The following PPP3CB variants were observed in gnomAD, a reference collection of about 807,000 sequenced individuals.
The protein encoded by PPP3CB is protein phosphatase 3 catalytic subunit beta.
In PPP3CB, 8 loss-of-function variants were observed where a neutral mutation model predicts 66.4. That is an observed-to-expected ratio of 0.12 (90% CI 0.07 to 0.22). The LOEUF is 0.22. Ranked by LOEUF, PPP3CB falls within the 10% of genes least tolerant of loss-of-function variation. The pLI, the probability that PPP3CB is intolerant of heterozygous loss-of-function variation, is 1.00. For missense variants in PPP3CB, 319 were observed against 642.5 expected (o/e 0.50, Z 5.44); for synonymous variants, 208 against 221.2 (o/e 0.94, Z 0.53).
At chr10:73,481,573 G>A (rs1299408957) in intron 1 of PPP3CB, among the ~76,000 whole-genome samples, 4 of 149,986 alleles carry the variant, frequency 2.7e-5, no homozygotes, top group African/African-American at 5.0e-5. Flanking sequence ...TTACAGAGAA[G>A]CTTGGAAATG....
At chr10:73,448,729 G>A (rs1332742357) in intron 10 of PPP3CB, 1 of 533,264 alleles carries the variant, frequency 1.9e-6, no homozygotes, top group Admixed American at 1.9e-5. Context: ...AGTGAATGAT[G>A]GAGAAAAGGT....
chr10:73,495,670 G>A (rs2057192094), intron 1 of PPP3CB, 135 bp downstream of exon 1: 4 of 1,329,510 alleles, frequency 3.0e-6, no homozygotes, highest in Non-Finnish European at 3.9e-6. Context: ...GCCCGCCCAG[G>A]GGCCACTCCC....
At chr10:73,467,255 C>T (rs1312307310) in intron 9 of PPP3CB, 1 of 169,524 alleles carries the variant, frequency 5.9e-6, no homozygotes, top group African/African-American at 2.4e-5. Flanking sequence ...AGCAATCTCT[C>T]CACCCCTTCA....
intron 10 of PPP3CB, 62 bp downstream of exon 10, chr10:73,454,350 C>G: frequency 7.6e-7 from 1 of 1,310,924 alleles, no homozygotes; most frequent in Non-Finnish European, 1.1e-6. Flanking sequence ...TGTACTGAGG[C>G]TAGGCAGTAA....
chr10:73,494,275 G>GTT (rs2057131748), intron 1 of PPP3CB, among the ~76,000 whole-genome samples: 1 of 151,700 alleles, frequency 6.6e-6, no homozygotes, highest in African/African-American at 2.4e-5. Flanking sequence ...GCAAATCAGT[G>GTT]TTTTGTTTTT....
Position 73,439,874 on chromosome 10 carries a change from T to C in PPP3CB, c.1394A>G (p.Lys465Arg), listed in dbSNP as rs766002414. 2 of 1,613,518 alleles carry C rather than the reference T, an allele frequency of 1.2e-6. No individual in the cohort carries two copies. The highest frequency in any genetic ancestry group is 2.2e-5 in the South Asian group (2 of 91,044). The change falls in exon 13 of 14, where the codon AAA (lysine) becomes AGA (arginine). Residue 465 changes from lysine to arginine, a missense_variant and splice_region_variant. Physicochemically the swap from Lys to Arg is conservative, Grantham distance 26. Transcript: ENST00000360663. Reference protein sequence around the residue: ...SATVEAIEAEKAIRGFSPPHR... With the variant: ...SATVEAIEAERAIRGFSPPHR... The stretch of plus-strand genomic sequence containing the variant: ...CAGCACAAGGACTCTGATCATACCT[T>C]TTTCAGCCTCAATAGCCTCAACTGT...
At chr10:73,472,507 A>AAG (rs1314411312) in intron 4 of PPP3CB, among the ~76,000 whole-genome samples, 1 of 152,034 alleles carries the variant, frequency 6.6e-6, no homozygotes, top group African/African-American at 2.4e-5. Flanking sequence ...AAAAAAAAAA[A>AAG]AAAGAAAGAA....
chr10:73,471,173 T>G lies in PPP3CB; in HGVS notation c.706A>C (p.Met236Leu). The G allele has an allele frequency of 6.2e-7, 1 of 1,609,468 alleles. No individual in the cohort carries two copies. The highest frequency in any genetic ancestry group is 8.5e-7 in the Non-Finnish European group (1 of 1,176,332). The change falls in exon 6 of 14, where the codon ATG becomes CTG. Residue 236 changes from methionine to leucine, a missense_variant. Physicochemically the swap from Met to Leu is conservative, Grantham distance 15. Coordinates refer to ENST00000360663, the MANE Select transcript of PPP3CB (RefSeq NM_021132.4). ...RFKEPPAFGP[M>L]CDLLWSDPSE... is the part of the protein sequence containing the mutation. The stretch of plus-strand genomic sequence containing the variant: ...GGATCGGACCATAACAAGTCACACA[T>G]TGGTCCAAATGCAGGTGGCTCTTTG...
chr10:73,493,275 C>CAAAAAAAAAAA (rs544990577), intron 1 of PPP3CB, among the ~76,000 whole-genome samples: 31 of 105,920 alleles, frequency 2.9e-4, no homozygotes, highest in African/African-American at 7.7e-4. Flanking sequence ...AACTCCGTCT[C>CAAAAAAAAAAA]AAAAAAAAAA....
chr10:73,459,451 G>A (rs1174775175), intron 9 of PPP3CB, among the ~76,000 whole-genome samples: 2 of 152,242 alleles, frequency 1.3e-5, no homozygotes, highest in Admixed American at 1.3e-4. Flanking sequence ...GCGCCACTGC[G>A]CTCCAGCCTG....
In PPP3CB at chr10:73,470,877, G is replaced by C. The variant is rs3729702; in HGVS notation, c.887+10C>G. On this transcript the variant is annotated intron_variant, in intron 7 of 13. Transcript: ENST00000360663. ...GGTGTTAATTTGGGTCAGGGAAACA[G>C]AATTCTTACCCTGCATCTTGAGCTT... 31,179 of 1,609,908 alleles carry C rather than the reference G, an allele frequency of 0.019. 569 individuals are homozygous for C. Among genetic ancestry groups the C allele is most frequent in the Non-Finnish European group, 0.019 (22,902 of 1,177,258 alleles).
At position 73,495,968 on chromosome 10, in the gene PPP3CB, G is replaced by A. The variant is rs970180438; in HGVS notation, c.-79C>T. 1 of 940,198 alleles carries A rather than the reference G, an allele frequency of 1.1e-6. No homozygotes were observed. The highest frequency in any genetic ancestry group is 1.4e-6 in the Non-Finnish European group (1 of 724,832). The allele number at this position is 940,198 out of a possible 1,614,324, so 58.2% of individuals were successfully genotyped here. On this transcript the variant is annotated 5_prime_UTR_variant, in exon 1 of 14. Transcript: ENST00000360663. ...CGGCGGCTACCAGAGCCAAGCGGCG[G>A]CGCCGCCGGGGAACATGGCGGACCC...
intron 9 of PPP3CB, among the ~76,000 whole-genome samples, chr10:73,465,480 T>C (rs1312081209): frequency 6.6e-6 from 1 of 152,126 alleles, no homozygotes; most frequent in Admixed American, 6.5e-5. Flanking sequence ...GAGGATTACA[T>C]AAGCCCAGGA....
At chr10:73,470,586 G>A (rs2056687185) in intron 8 of PPP3CB, 101 bp downstream of exon 8, 1 of 663,092 alleles carries the variant, frequency 1.5e-6, no homozygotes, top group African/African-American at 1.8e-5. Flanking sequence ...AAGAAATCTG[G>A]ATACTAATAG....
At chr10:73,490,388 T>A (rs1447673874) in intron 1 of PPP3CB, among the ~76,000 whole-genome samples, 2 of 152,236 alleles carry the variant, frequency 1.3e-5, no homozygotes, top group African/African-American at 4.8e-5. Context: ...TTTGTACTTT[T>A]GTTGTTCTCC....
chr10:73,490,502 G>A (rs2057054762), intron 1 of PPP3CB, among the ~76,000 whole-genome samples: 1 of 152,138 alleles, frequency 6.6e-6, no homozygotes, highest in Admixed American at 6.5e-5. Flanking sequence ...TGCCCAATTA[G>A]CTTCAGCTTA....
At chr10:73,493,402 GAA>G (rs2057110819) in intron 1 of PPP3CB, among the ~76,000 whole-genome samples, 1 of 152,006 alleles carries the variant, frequency 6.6e-6, no homozygotes, top group African/African-American at 2.4e-5. Context: ...GGACTTAAAA[GAA>G]ATTTGGATTT....
At chr10:73,463,106 G>A (rs1172199741) in intron 9 of PPP3CB, among the ~76,000 whole-genome samples, 1 of 151,956 alleles carries the variant, frequency 6.6e-6, no homozygotes, top group South Asian at 2.1e-4. Flanking sequence ...ATCTTCACCA[G>A]ACTCAAAATA....
chr10:73,495,754 C>T, intron 1 of PPP3CB, 51 bp downstream of exon 1: 7 of 1,548,084 alleles, frequency 4.5e-6, no homozygotes, highest in Non-Finnish European at 6.1e-6. Context: ...CCCGCCCTCA[C>T]ACACAGCTAG....
Sources: allele counts gnomAD v4.1 joint callset (sites outside exome capture counted in the v4.1 genomes callset), GRCh38; gene constraint gnomAD v4.1.1; transcripts MANE v1.5; gene names NCBI Gene and HGNC (gene_info 2026-07-23, HGNC 2026-07-21).